IGSF11: variants seen among roughly 807,000 people sequenced by gnomAD.
IGSF11 encodes CXADR like 1.
Under a neutral mutation model 41.0 loss-of-function variants are expected in IGSF11, and 22 were observed. The observed-to-expected ratio is 0.54, with a 90% CI of 0.38 to 0.77. IGSF11 has a LOEUF of 0.77. IGSF11 is among the 30% of genes least tolerant of loss of function. IGSF11 has a pLI of 0.00. For synonymous variants in IGSF11, 219 were observed against 201.3 expected (o/e 1.09, Z -0.74); for missense variants, 444 against 530.8 (o/e 0.84, Z 1.61).
At chr3:118,999,845 T>C (rs1936635176) in intron 1 of IGSF11, among the ~76,000 whole-genome samples, 1 of 152,126 alleles carries the variant, frequency 6.6e-6, no homozygotes, top group African/African-American at 2.4e-5. Context: ...AATAAGGTCT[T>C]GGGTCCAAAA....
intron 1 of IGSF11, among the ~76,000 whole-genome samples, chr3:119,001,721 G>C (rs545723014): frequency 9.9e-4 from 148 of 149,482 alleles, no homozygotes; most frequent in African/African-American, 3.6e-3. Flanking sequence ...AATATGCAGT[G>C]TTTGGTTTTT....
At chr3:119,118,594 T>G (rs2077291413) in intron 1 of IGSF11, among the ~76,000 whole-genome samples, 2 of 152,204 alleles carry the variant, frequency 1.3e-5, no homozygotes, top group Admixed American at 1.3e-4. Flanking sequence ...TGGAGACACT[T>G]TCCCCATTGT....
At chr3:118,978,001 A>G (rs142876330) in intron 1 of IGSF11, among the ~76,000 whole-genome samples, 1,730 of 152,020 alleles carry the variant, frequency 0.011, 39 homozygotes, top group African/African-American at 0.038. Context: ...GCCCACAACC[A>G]CTGCAGCTAC....
At chr3:119,118,033 A>G (rs6780955) in intron 1 of IGSF11, among the ~76,000 whole-genome samples, 70,171 of 152,034 alleles carry the variant, frequency 0.46, 16,306 homozygotes, top group East Asian at 0.51. Flanking sequence ...CTTCCTTCCC[A>G]GCTGCTTTCA....
intron 1 of IGSF11, among the ~76,000 whole-genome samples, chr3:119,136,030 G>C (rs58529366): frequency 6.6e-6 from 1 of 152,008 alleles, no homozygotes; most frequent in Non-Finnish European, 1.5e-5. Context: ...ACTTGGACAC[G>C]GGGAAGGGAA....
chr3:119,059,644 A>G lies in IGSF11; in HGVS notation c.49+45500T>C, dbSNP rs368054646. Reference sequence around the variant, plus strand: ...GTGGATGTGAGGCATCCAAAACTGCAGACACTGGTGATTTTTTTTTTTAAC... The same window carrying G: ...GTGGATGTGAGGCATCCAAAACTGCGGACACTGGTGATTTTTTTTTTTAAC... On this transcript the variant is annotated intron_variant, in intron 1 of 6. Transcript: ENST00000354673. Among the ~76,000 whole-genome samples the G allele has an allele frequency of 1.6e-4, 24 of 152,300 alleles. No homozygotes were observed. The East Asian group carries it at 4.6e-3, about 29-fold the overall frequency.
chr3:118,914,251 A>C (rs1056707482), intron 4 of IGSF11, among the ~76,000 whole-genome samples: 1 of 152,156 alleles, frequency 6.6e-6, no homozygotes, highest in Non-Finnish European at 1.5e-5. Context: ...ATCGGGGAGG[A>C]GCCAAGATGG....
intron 1 of IGSF11, among the ~76,000 whole-genome samples, chr3:119,009,494 C>T (rs1937835488): frequency 2.0e-5 from 3 of 152,014 alleles, no homozygotes; most frequent in African/African-American, 7.3e-5. Context: ...TGGCAGTTTC[C>T]CCTGCATTCT....
chr3:119,056,535 C>T (rs1294858449), intron 1 of IGSF11, among the ~76,000 whole-genome samples: 2 of 152,158 alleles, frequency 1.3e-5, no homozygotes, highest in East Asian at 1.9e-4. Flanking sequence ...CCGAATTCTA[C>T]CAGAGGTACA....
intron 4 of IGSF11, among the ~76,000 whole-genome samples, chr3:118,913,993 A>C (rs909958964): frequency 3.9e-5 from 6 of 152,196 alleles, no homozygotes; most frequent in Admixed American, 2.6e-4. Context: ...AATATTCACA[A>C]GGATTAGGGA....
chr3:118,926,332 C>G, intron 3 of IGSF11, 76 bp from the exon 4 acceptor site: 1 of 1,198,660 alleles, frequency 8.3e-7, no homozygotes, highest in Non-Finnish European at 1.2e-6. Context: ...CATCAACATT[C>G]AGTACATTGG....
chr3:119,138,917 C>G (rs2077601060), intron 1 of IGSF11, among the ~76,000 whole-genome samples: 1 of 151,814 alleles, frequency 6.6e-6, no homozygotes, highest in African/African-American at 2.4e-5. Context: ...TAAAGGAGAA[C>G]AAAAGCACAG....
At chr3:118,954,185 T>C (rs1301035851) in intron 1 of IGSF11, among the ~76,000 whole-genome samples, 1 of 152,152 alleles carries the variant, frequency 6.6e-6, no homozygotes, top group African/African-American at 2.4e-5. Flanking sequence ...TTTATCTTTT[T>C]CTTTGCTTTG....
Position 119,023,171 on chromosome 3 carries a change from G to A in IGSF11, c.52+11360C>T, listed in dbSNP as rs572012616. ...CAGCTACTCGGAAGGCTGAGGCAAG[G>A]AGAATTGCTTGAATCTGGGAGGCGG... On this transcript the variant is annotated intron_variant, in intron 1 of 6. Coordinates refer to ENST00000393775, the MANE Select transcript of IGSF11 (RefSeq NM_001015887.3). 4.0e-5 allele frequency among the ~76,000 whole-genome samples: 6 copies of A among 148,478 alleles called. No homozygotes were observed. The South Asian group carries it at 1.1e-3, about 27-fold the overall frequency.
At chr3:119,012,553 T>C (rs1362498432) in intron 1 of IGSF11, among the ~76,000 whole-genome samples, 2 of 152,190 alleles carry the variant, frequency 1.3e-5, no homozygotes, top group East Asian at 3.8e-4. Context: ...TGGATACAAA[T>C]GGCTATAATT....
At chr3:119,036,809 C>T (rs1310778637), upstream of IGSF11, among the ~76,000 whole-genome samples, 1 of 152,122 alleles carries the variant, frequency 6.6e-6, no homozygotes, top group Non-Finnish European at 1.5e-5. Context: ...CCTAAGGATA[C>T]TTCTGCCTTG....
chr3:119,017,776 CT>C (rs567222914), intron 1 of IGSF11, among the ~76,000 whole-genome samples: 7,329 of 100,316 alleles, frequency 0.073, 181 homozygotes, highest in African/African-American at 0.16. Flanking sequence ...GTTTGTTTTA[CT>C]TTTTTTTTTT....
chr3:118,903,637 C>G (rs1939203040), intron 6 of IGSF11, among the ~76,000 whole-genome samples: 1 of 152,150 alleles, frequency 6.6e-6, no homozygotes, highest in African/African-American at 2.4e-5. Flanking sequence ...TTAAGAATTA[C>G]AACAGTCTAA....
intron 1 of IGSF11, chr3:118,945,041 T>TAACA (rs1559938732): frequency 6.6e-6 from 1 of 152,204 alleles, no homozygotes; most frequent in East Asian, 1.9e-4. Context: ...TTTAACTTGT[T>TAACA]GGCTTTAGTT....
Sources: allele counts gnomAD v4.1 joint callset (sites outside exome capture counted in the v4.1 genomes callset), GRCh38; gene constraint gnomAD v4.1.1; transcripts MANE v1.5; gene names NCBI Gene and HGNC (gene_info 2026-07-23, HGNC 2026-07-21).